OC90: variants seen among roughly 807,000 people sequenced by gnomAD.
OC90 encodes the protein otoconin-90.
In OC90, 46 loss-of-function variants were observed where a neutral mutation model predicts 47.3. That is an observed-to-expected ratio of 0.97 (90% CI 0.77 to 1.24). The LOEUF (loss-of-function observed/expected upper bound fraction) is 1.24. Among genes scored for constraint, OC90 ranks in the 50% most tolerant of loss-of-function variants. OC90 has a pLI of 0.00. For synonymous variants in OC90, 271 were observed against 219.5 expected, an observed-to-expected ratio of 1.23 and a Z score of -2.07; for missense variants, 688 against 583.9, an observed-to-expected ratio of 1.18 and a Z score of -1.84.
At chr8:132,025,426 C>T (rs1822742384) in intron 13 of OC90, among the ~76,000 whole-genome samples, 1 of 152,158 alleles carries the variant, frequency 6.6e-6, no homozygotes, top group Non-Finnish European at 1.5e-5. Context: ...GCATTTGACC[C>T]ATCTATTCCC....
chr8:132,058,208 G>A (rs754113798), intron 1 of OC90, among the ~76,000 whole-genome samples: 2 of 152,190 alleles, frequency 1.3e-5, no homozygotes, highest in Non-Finnish European at 2.9e-5. Flanking sequence ...TCTGGGGTAC[G>A]TGCACATTAG....
chr8:132,036,466 C>T (rs774770624), intron 9 of OC90: 1 of 778,744 alleles, frequency 1.3e-6, no homozygotes, highest in Non-Finnish European at 2.4e-6. Context: ...AGCTAGGTGC[C>T]AAAGCCAAAC....
chr8:132,033,815 T>TC (rs1195354224), intron 10 of OC90, among the ~76,000 whole-genome samples: 1 of 152,088 alleles, frequency 6.6e-6, no homozygotes, highest in African/African-American at 2.4e-5. Context: ...AGGCCAAATC[T>TC]CCAGCCTTCC....
At chr8:132,036,302 T>C (rs983783393) in intron 9 of OC90, 1 of 778,596 alleles carries the variant, frequency 1.3e-6, no homozygotes, top group Non-Finnish European at 2.4e-6. Context: ...TGAGCACAGA[T>C]TTTTAGATAT....
intron 9 of OC90, among the ~76,000 whole-genome samples, chr8:132,036,980 T>A (rs1376256308): frequency 6.6e-6 from 1 of 152,258 alleles, no homozygotes. Flanking sequence ...ATTTAATCCT[T>A]ATGCCACTCT....
chr8:132,025,726 A>C (rs1822747497), intron 13 of OC90, among the ~76,000 whole-genome samples: 1 of 152,128 alleles, frequency 6.6e-6, no homozygotes, highest in African/African-American at 2.4e-5. Flanking sequence ...TGCTTCAGTA[A>C]ACTCTTTTTT....
rs1382262348 is a variant in OC90 at position 132,045,880 on chromosome 8, C to G, written c.50G>C (p.Gly17Ala). 2.6e-6 allele frequency: 4 copies of G among 1,533,932 alleles called. No homozygotes were observed. In the Admixed American group the frequency reaches 5.9e-5, roughly 23 times the overall value. ...AAGATGTGGAGTGTCCAGAGGATGG[C>G]CTCCTATAAATAAGGAAGAGAAAGT... ...TSVLMIPHAG[G>A]HPLDTPHLPQ... The change falls in exon 3 of 14, where the codon GGC becomes GCC. Residue 17 changes from glycine to alanine, a missense_variant. Coordinates refer to ENST00000254627, the MANE Select transcript of OC90 (RefSeq NM_001080399.3).
chr8:132,045,137 G>A (rs1823113697), intron 3 of OC90, among the ~76,000 whole-genome samples: 1 of 152,172 alleles, frequency 6.6e-6, no homozygotes. Context: ...CCTCCTGGTG[G>A]GCATTGCACT....
intron 10 of OC90, among the ~76,000 whole-genome samples, chr8:132,034,102 A>G (rs1822918170): frequency 6.6e-6 from 1 of 152,184 alleles, no homozygotes. Context: ...CAAGTTATCT[A>G]ATTTCTTTCT....
intron 4 of OC90, among the ~76,000 whole-genome samples, chr8:132,041,984 T>TG (rs1466538219): frequency 1.3e-5 from 2 of 152,236 alleles, no homozygotes; most frequent in African/African-American, 4.8e-5. Flanking sequence ...CAGCTGGTCA[T>TG]GGTAATCCCA....
At chr8:132,052,926 G>T (rs535075701) in intron 2 of OC90, among the ~76,000 whole-genome samples, 5 of 152,206 alleles carry the variant, frequency 3.3e-5, no homozygotes, top group African/African-American at 1.2e-4. Flanking sequence ...CGGTACGTAC[G>T]GCTTTCCTTG....
intron 3 of OC90, 30 bp from the exon 4 acceptor site, chr8:132,044,519 T>A: frequency 2.3e-6 from 3 of 1,304,162 alleles, no homozygotes; most frequent in Non-Finnish European, 3.3e-6. Context: ...CAAATGAGAG[T>A]CTTGGTTTTT....
rs180901981 is a variant in OC90, at chr8:132,026,874, C to G, written c.1139-2098G>C. Among the ~76,000 whole-genome samples, 9 of 152,280 alleles carry G rather than the reference C, an allele frequency of 5.9e-5. No homozygotes were observed. The East Asian group carries it at 1.7e-3, about 29-fold the overall frequency. On this transcript the variant is annotated intron_variant, in intron 13 of 13. Coordinates refer to ENST00000254627, the MANE Select transcript of OC90 (RefSeq NM_001080399.3). The stretch of plus-strand genomic sequence containing the variant: ...GGTTTCTTGGGCTCATGATCTGGCA[C>G]CTGTCTGTCTCCTCAACCTCACCTT...
Position 132,033,147 on chromosome 8 carries a change from C to T in OC90, c.751G>A (p.Ala251Thr). Reference sequence around the variant, plus strand: ...ACAATTTTAGCTGTAACCCTTGTTGCAACTATCTCTGCAGATCCTGAAAAT... The same window carrying T: ...ACAATTTTAGCTGTAACCCTTGTTGTAACTATCTCTGCAGATCCTGAAAAT... ...TSPPGSAEIVATRVTAKIVTL... is the reference protein window; with the variant it reads ...TSPPGSAEIVTTRVTAKIVTL... Residue 251 changes from alanine to threonine, a missense_variant, in exon 11 of 14, where the codon GCA (alanine) becomes ACA (threonine). Ala to Thr is a moderately conservative substitution (Grantham distance 58, BLOSUM62 0). Transcript: ENST00000254627. The T allele has an allele frequency of 1.2e-6, 2 of 1,606,306 alleles. No homozygotes were observed. The highest frequency in any genetic ancestry group is 1.7e-6 in the Non-Finnish European group (2 of 1,176,360).
intron 2 of OC90, among the ~76,000 whole-genome samples, chr8:132,050,748 C>G (rs905796447): frequency 1.3e-5 from 2 of 152,152 alleles, no homozygotes; most frequent in Non-Finnish European, 2.9e-5. Flanking sequence ...CAACTGTAAT[C>G]CCAGCACTTT....
chr8:132,024,319 G>T lies in OC90; in HGVS notation c.*162C>A, dbSNP rs1822721245. 1 of 575,870 alleles carries T rather than the reference G, an allele frequency of 1.7e-6. No homozygotes were observed. Among genetic ancestry groups the T allele is most frequent in the Admixed American group, 3.0e-5 (1 of 32,842 alleles). The allele number at this position is 575,870 out of a possible 1,614,324, so 35.7% of individuals were successfully genotyped here. On this transcript the variant is annotated 3_prime_UTR_variant, in exon 14 of 14. Transcript: ENST00000254627. ...TACATTGGCTTGTGAGGTGACCACA[G>T]CTGATGAGGCATGGGCAGGGCTCAC...
chr8:132,042,806 A>G (rs1823073872), intron 4 of OC90, among the ~76,000 whole-genome samples: 1 of 152,230 alleles, frequency 6.6e-6, no homozygotes, highest in Non-Finnish European at 1.5e-5. Context: ...TTGCTTAGAC[A>G]CTGGCTGGTG....
chr8:132,034,508 C>T (rs7834639), intron 10 of OC90, among the ~76,000 whole-genome samples: 54,011 of 152,028 alleles, frequency 0.36, 10,212 homozygotes, highest in East Asian at 0.51. Context: ...CAGTAGCCCT[C>T]ACCTCTTGAG....
chr8:132,039,331 C>T (rs1393984543), intron 6 of OC90, among the ~76,000 whole-genome samples: 2 of 152,224 alleles, frequency 1.3e-5, no homozygotes, highest in East Asian at 3.9e-4. Flanking sequence ...ACACTTGCAC[C>T]CAGGGCAGCA....
Sources: gnomAD v4.1 joint callset for allele counts (sites outside exome capture counted in the v4.1 genomes callset) on GRCh38, gnomAD v4.1.1 for gene constraint, MANE v1.5 for transcripts, NCBI Gene and HGNC (gene_info 2026-07-23, HGNC 2026-07-21) for gene names.